Variants in SLC35F5 observed in about 807,000 individuals in gnomAD.
SLC35F5 encodes HCV NS5A-transactivated protein 3.
A neutral mutation model predicts 68.6 loss-of-function variants in SLC35F5; 54 were observed. The ratio of observed to expected loss-of-function variants is 0.79; its 90% CI spans 0.63 to 0.99. The LOEUF (loss-of-function observed/expected upper bound fraction) is 0.99, where lower values mean the gene tolerates loss of function less well. Among genes scored for constraint, SLC35F5 ranks in the 50% least tolerant of loss-of-function variants. SLC35F5 has a pLI of 0.00. For missense variants in SLC35F5, 567 were observed against 626.9 expected (o/e 0.90, Z 1.02); for synonymous variants, 211 against 205.2 (o/e 1.03, Z -0.24).
At chr2:113,729,794 C>A (rs1687813265) in intron 10 of SLC35F5, among the ~76,000 whole-genome samples, 2 of 152,140 alleles carry the variant, frequency 1.3e-5, no homozygotes, top group African/African-American at 4.8e-5. Context: ...TAATACAACT[C>A]CAAAGTAACA....
At chr2:113,734,162 C>T (rs553188946) in intron 9 of SLC35F5, among the ~76,000 whole-genome samples, 1 of 152,252 alleles carries the variant, frequency 6.6e-6, no homozygotes, top group African/African-American at 2.4e-5. Flanking sequence ...TGAAACATCA[C>T]CTGAGGCTTA....
chr2:113,704,373 G>A (rs6751800), downstream of SLC35F5, among the ~76,000 whole-genome samples: 13,042 of 152,256 alleles, frequency 0.086, 627 homozygotes, highest in Non-Finnish European at 0.11. Flanking sequence ...AGCGGATCCC[G>A]CACAGGGGCC....
At chr2:113,747,926 T>C (rs535080131) in intron 4 of SLC35F5, among the ~76,000 whole-genome samples, 2 of 152,216 alleles carry the variant, frequency 1.3e-5, no homozygotes, top group African/African-American at 2.4e-5. Context: ...ACCCCGTCTC[T>C]ACTACAAATA....
intron 4 of SLC35F5, 150 bp downstream of exon 4, chr2:113,750,275 G>T: frequency 5.2e-6 from 3 of 577,610 alleles, no homozygotes; most frequent in Non-Finnish European, 8.1e-6. Context: ...TTAAAATTTT[G>T]GACAAGAGCC....
chr2:113,743,889 T>A, intron 5 of SLC35F5, 95 bp from the exon 6 acceptor site: 1 of 967,078 alleles, frequency 1.0e-6, no homozygotes, highest in Non-Finnish European at 1.5e-6. Flanking sequence ...AAATACCATC[T>A]AAAACGTGGT....
rs1687018698 is a variant in SLC35F5 at position 113,712,346 on chromosome 2, T to C, written c.*2872A>G. ...CACTTTTTTTTTTTTTGAGACGGAGTCTCGCTGTCGCCCAGGCTGGAGTGC... is the reference window on the plus strand; with the variant it reads ...CACTTTTTTTTTTTTTGAGACGGAGCCTCGCTGTCGCCCAGGCTGGAGTGC... On this transcript the variant is annotated 3_prime_UTR_variant, in exon 16 of 16. Transcript: ENST00000245680. Among the ~76,000 whole-genome samples the C allele has an allele frequency of 6.6e-6, 1 of 151,842 alleles. No individual in the cohort carries two copies. Among genetic ancestry groups the C allele is most frequent in the Non-Finnish European group, 1.5e-5 (1 of 67,990 alleles).
In SLC35F5 at chr2:113,753,168, C is replaced by CTTTTTTTTTTTTTTTTTTTTTTTTTTT. The variant is rs1173478465; in HGVS notation, c.273+1970_273+1996dup. The stretch of plus-strand genomic sequence containing the variant: ...CACTTTATCTCCAAAGTTTGTTTTT[C>CTTTTTTTTTTTTTTTTTTTTTTTTTTT]TTTTTTTTTTTTTTTTTTTTTTTTT... On this transcript the variant is annotated intron_variant, in intron 3 of 15. Transcript: ENST00000245680. Among the ~76,000 whole-genome samples, 37 of 49,072 alleles carry CTTTTTTTTTTTTTTTTTTTTTTTTTTT rather than the reference C, an allele frequency of 7.5e-4. 14 individuals carry two copies. Among genetic ancestry groups the CTTTTTTTTTTTTTTTTTTTTTTTTTTT allele is most frequent in the Non-Finnish European group, 9.5e-4 (27 of 28,288 alleles). The allele number at this position is 49,072 out of a possible 152,430, so 32.2% of individuals were successfully genotyped here. A position where few individuals can be genotyped will look rare whatever the true frequency, so the allele number is the denominator to read the frequency against.
In SLC35F5 at chr2:113,707,539, T is replaced by C. The variant is rs1236865377; in HGVS notation, c.*7679A>G. On this transcript the variant is annotated 3_prime_UTR_variant, in exon 16 of 16. Transcript: ENST00000245680. Reference sequence around the variant, plus strand: ...ATTGTTGCCTAACCTCATATACTAATTTGAATATGAAGACTCACTTTTTAT... The same window carrying C: ...ATTGTTGCCTAACCTCATATACTAACTTGAATATGAAGACTCACTTTTTAT... 6.6e-6 allele frequency among the ~76,000 whole-genome samples: 1 copy of C among 152,154 alleles called. No homozygotes were observed. Among genetic ancestry groups the C allele is most frequent in the Non-Finnish European group, 1.5e-5 (1 of 68,016 alleles).
chr2:113,718,243 T>C (rs1260991905), intron 14 of SLC35F5, among the ~76,000 whole-genome samples: 1 of 151,936 alleles, frequency 6.6e-6, no homozygotes, highest in Non-Finnish European at 1.5e-5. Context: ...TGCCATCATG[T>C]CTGGGTAATT....
chr2:113,746,788 G>A (rs1015993900), intron 4 of SLC35F5, among the ~76,000 whole-genome samples: 3 of 152,088 alleles, frequency 2.0e-5, no homozygotes, highest in African/African-American at 7.2e-5. Context: ...TTAGCTAGCA[G>A]TGTTGGCAGG....
intron 12 of SLC35F5, among the ~76,000 whole-genome samples, chr2:113,724,388 A>G (rs1243602503): frequency 6.6e-6 from 1 of 152,226 alleles, no homozygotes; most frequent in Non-Finnish European, 1.5e-5. Flanking sequence ...GTACATAACT[A>G]AAGATGAAAA....
downstream of SLC35F5, among the ~76,000 whole-genome samples, chr2:113,703,087 G>A (rs1389492513): frequency 6.6e-6 from 1 of 151,836 alleles, no homozygotes; most frequent in Non-Finnish European, 1.5e-5. Context: ...TCCAGCCTGG[G>A]TGACAGAGCA....
chr2:113,725,818 T>C (rs747531444), intron 11 of SLC35F5: 3 of 247,412 alleles, frequency 1.2e-5, no homozygotes, highest in East Asian at 9.2e-5. Context: ...ACAAGAAGGG[T>C]TGTTAACCTT....
chr2:113,704,026 G>C (rs12476536), downstream of SLC35F5: 1,480 of 152,730 alleles, frequency 9.7e-3, 22 homozygotes, highest in Admixed American at 0.027. Context: ...GGTCTCGCCG[G>C]CTCAGGAGTG....
At chr2:113,752,232 A>AG in intron 3 of SLC35F5, among the ~76,000 whole-genome samples, 1 of 152,052 alleles carries the variant, frequency 6.6e-6, no homozygotes. Context: ...AAAAAAAAAA[A>AG]AGATTAATAA....
chr2:113,721,257 C>T (rs180739605), intron 13 of SLC35F5: 1 of 151,760 alleles, frequency 6.6e-6, no homozygotes, highest in African/African-American at 2.4e-5. Context: ...AACCTCAATC[C>T]TGACACCAAC....
chr2:113,713,269 G>A lies in SLC35F5; in HGVS notation c.*1949C>T, dbSNP rs1027386664. 1 of 152,146 alleles carries A rather than the reference G, an allele frequency of 6.6e-6. No individual in the cohort carries two copies. The allele number at this position is 152,146 out of a possible 1,614,324, so 9.4% of individuals were successfully genotyped here. On this transcript the variant is annotated 3_prime_UTR_variant, in exon 16 of 16. Coordinates refer to ENST00000245680, the MANE Select transcript of SLC35F5 (RefSeq NM_025181.5). The stretch of plus-strand genomic sequence containing the variant: ...GCAGCAGTATAATGAAAGAAGATTG[G>A]CTGAAGATCTATCCAGCCTGTTAAC...
intron 13 of SLC35F5, 124 bp downstream of exon 13, chr2:113,722,980 G>T: frequency 1.8e-6 from 1 of 546,806 alleles, no homozygotes; most frequent in Non-Finnish European, 3.0e-6. Flanking sequence ...AAAGCACCTT[G>T]GGAGAGAAAG....
intron 12 of SLC35F5, 40 bp from the exon 13 acceptor site, chr2:113,723,234 T>TAAA (rs778029091): frequency 8.6e-7 from 1 of 1,156,844 alleles, no homozygotes. Flanking sequence ...TTTAAAAAAT[T>TAAA]AAACCAAAGA....
Sources: gnomAD v4.1 joint callset for allele counts (sites outside exome capture counted in the v4.1 genomes callset) on GRCh38, gnomAD v4.1.1 for gene constraint, MANE v1.5 for transcripts, NCBI Gene and HGNC (gene_info 2026-07-23, HGNC 2026-07-21) for gene names.